JMJD1C: variants seen among roughly 807,000 people sequenced by gnomAD.
JMJD1C encodes the protein jumonji domain containing 1C.
Under a neutral mutation model 245.3 loss-of-function variants are expected in JMJD1C, and 31 were observed. The observed-to-expected ratio is 0.13, with a 90% confidence interval of 0.09 to 0.17. JMJD1C has a LOEUF of 0.17. Ranked by LOEUF, JMJD1C falls within the 10% of genes least tolerant of loss-of-function variation. The pLI is 1.00. For synonymous variants in JMJD1C, 1,057 were observed against 1,017.4 expected (o/e 1.04, Z -0.74); for missense variants, 2,691 against 3,000.2 (o/e 0.90, Z 2.41).
chr10:63,194,570 G>A (rs1196820052), intron 13 of JMJD1C, 195 bp from the exon 14 acceptor site: 2 of 450,354 alleles, frequency 4.4e-6, no homozygotes, highest in African/African-American at 1.9e-5. Flanking sequence ...AACAAGTCAG[G>A]AAAAACAGTT....
At chr10:63,332,237 A>T (rs938376421) in intron 2 of JMJD1C, among the ~76,000 whole-genome samples, 1 of 152,220 alleles carries the variant, frequency 6.6e-6, no homozygotes, top group African/African-American at 2.4e-5. Context: ...CAGCTTATAT[A>T]AGTAAAGTAA....
intron 2 of JMJD1C, among the ~76,000 whole-genome samples, chr10:63,369,086 C>A (rs1277199646): frequency 6.6e-6 from 1 of 151,600 alleles, no homozygotes; most frequent in East Asian, 1.9e-4. Flanking sequence ...ACTAATTTTT[C>A]TTCCTCTTTC....
At chr10:63,210,922 A>C (rs1847242200) in intron 8 of JMJD1C, among the ~76,000 whole-genome samples, 1 of 152,214 alleles carries the variant, frequency 6.6e-6, no homozygotes, top group Non-Finnish European at 1.5e-5. Flanking sequence ...GGTAATGGAA[A>C]GCTTGTGATC....
chr10:63,181,192 G>A (rs534009480), intron 22 of JMJD1C, among the ~76,000 whole-genome samples: 1 of 152,198 alleles, frequency 6.6e-6, no homozygotes, highest in African/African-American at 2.4e-5. Context: ...AGTTTGAAAT[G>A]TTCTCTTTAA....
chr10:63,233,705 T>A (rs1031844547), intron 3 of JMJD1C, among the ~76,000 whole-genome samples: 5 of 150,244 alleles, frequency 3.3e-5, no homozygotes, highest in Middle Eastern at 3.5e-3. Context: ...TATATATATA[T>A]GTATCTCCAT....
At chr10:63,276,465 C>CA (rs551525973) in intron 2 of JMJD1C, among the ~76,000 whole-genome samples, 2,303 of 93,602 alleles carry the variant, frequency 0.025, 36 homozygotes, top group Middle Eastern at 0.06. Context: ...GATTCCGTCT[C>CA]AAAAAAAAAA....
At chr10:63,349,790 G>C (rs920015362) in intron 2 of JMJD1C, among the ~76,000 whole-genome samples, 5 of 152,038 alleles carry the variant, frequency 3.3e-5, no homozygotes, top group African/African-American at 9.7e-5. Context: ...ACACAGTTAG[G>C]TATAGATAAA....
chr10:63,208,883 T>A, intron 9 of JMJD1C, 82 bp from the exon 10 acceptor site: 1 of 1,198,890 alleles, frequency 8.3e-7, no homozygotes, highest in Non-Finnish European at 1.2e-6. Context: ...TATCATTCTA[T>A]TATGAAAGTA....
chr10:63,298,663 A>T (rs1033554375), intron 2 of JMJD1C, among the ~76,000 whole-genome samples: 5 of 152,204 alleles, frequency 3.3e-5, no homozygotes, highest in African/African-American at 1.2e-4. Context: ...TTTGGGGAAA[A>T]CATTTCAACC....
At chr10:63,307,972 T>C (rs1938517981) in intron 2 of JMJD1C, among the ~76,000 whole-genome samples, 2 of 151,786 alleles carry the variant, frequency 1.3e-5, no homozygotes, top group African/African-American at 4.8e-5. Flanking sequence ...CTACACGGTG[T>C]AAACCTGTCA....
intron 2 of JMJD1C, among the ~76,000 whole-genome samples, chr10:63,304,949 A>G (rs548898837): frequency 5.9e-5 from 9 of 152,270 alleles, no homozygotes; most frequent in Admixed American, 5.9e-4. Context: ...CTTAGACAGC[A>G]GAGCAAGACC....
intron 1 of JMJD1C, among the ~76,000 whole-genome samples, chr10:63,440,024 C>G (rs1184276740): frequency 6.6e-6 from 1 of 152,176 alleles, no homozygotes; most frequent in Non-Finnish European, 1.5e-5. Context: ...CACTGAGAAA[C>G]ATAGGCACAT....
chr10:63,191,983 CAAAAAAAAAAAA>C (rs10652559), intron 16 of JMJD1C, among the ~76,000 whole-genome samples: 1 of 60,824 alleles, frequency 1.6e-5, no homozygotes, highest in African/African-American at 9.8e-5. Context: ...GACTCTGTCT[CAAAAAAAAAAAA>C]AAAAAAAAAA....
At chr10:63,355,095 G>GA (rs569039590) in intron 2 of JMJD1C, among the ~76,000 whole-genome samples, 22 of 146,166 alleles carry the variant, frequency 1.5e-4, no homozygotes, top group South Asian at 4.3e-4. Flanking sequence ...TTTTGTCTTA[G>GA]AAAAAAAAAA....
At chr10:63,436,868 C>T (rs750004771) in intron 1 of JMJD1C, among the ~76,000 whole-genome samples, 1 of 152,216 alleles carries the variant, frequency 6.6e-6, no homozygotes, top group South Asian at 2.1e-4. Context: ...TCAAAAATCT[C>T]GATTTCAAGC....
At chr10:63,389,320 AAAAAAAAAG>A (rs1210617322) in intron 1 of JMJD1C, among the ~76,000 whole-genome samples, 1 of 150,332 alleles carries the variant, frequency 6.7e-6, no homozygotes, top group Non-Finnish European at 1.5e-5. Context: ...TCAAAAAAAA[AAAAAAAAAG>A]AAAAAGAAAA....
At chr10:63,239,235 C>A (rs763290458) in intron 3 of JMJD1C, among the ~76,000 whole-genome samples, 7 of 152,116 alleles carry the variant, frequency 4.6e-5, no homozygotes, top group African/African-American at 9.7e-5. Flanking sequence ...GACAAGTACA[C>A]TGGTATGGAT....
intron 1 of JMJD1C, among the ~76,000 whole-genome samples, chr10:63,521,135 G>C (rs894436072): frequency 6.6e-6 from 1 of 152,100 alleles, no homozygotes; most frequent in African/African-American, 2.4e-5. Context: ...GCGTCCCAAA[G>C]AGCTAAGGAG....
upstream of JMJD1C, among the ~76,000 whole-genome samples, chr10:63,467,030 G>C (rs1005487189): frequency 2.4e-4 from 37 of 151,938 alleles, no homozygotes; most frequent in Non-Finnish European, 4.7e-4. Flanking sequence ...AGTTAACAGA[G>C]TTTACAGTAG....
Sources: allele counts gnomAD v4.1 joint callset (sites outside exome capture counted in the v4.1 genomes callset), GRCh38; gene constraint gnomAD v4.1.1; transcripts MANE v1.5; gene names NCBI Gene and HGNC (gene_info 2026-07-23, HGNC 2026-07-21).